Variants in CDK6 observed in about 807,000 individuals in gnomAD.
The protein encoded by CDK6 is cyclin dependent kinase 6, also known as cyclin-dependent kinase 6.
In CDK6, 6 loss-of-function variants were observed where a neutral mutation model predicts 37.1. That is an observed-to-expected ratio of 0.16 (90% CI 0.09 to 0.32). The LOEUF (loss-of-function observed/expected upper bound fraction) is 0.32. Among genes scored for constraint, CDK6 ranks in the 10% least tolerant of loss-of-function variants. The probability of loss-of-function intolerance (pLI) is 1.00; values close to 1 mark genes in which losing one functional copy is unlikely to be tolerated. For synonymous variants in CDK6, 160 were observed against 161.3 expected, an observed-to-expected ratio of 0.99 and a Z score of 0.06; for missense variants, 224 against 418.9, an observed-to-expected ratio of 0.53 and a Z score of 4.06.
chr7:92,794,064 G>A (rs1171754063), intron 2 of CDK6, among the ~76,000 whole-genome samples: 2 of 152,046 alleles, frequency 1.3e-5, no homozygotes, highest in Admixed American at 6.6e-5. Flanking sequence ...CAAGGCAAGA[G>A]TCAGTTTCAA....
At chr7:92,641,792 A>C (rs1434936679) in intron 5 of CDK6, among the ~76,000 whole-genome samples, 1 of 152,208 alleles carries the variant, frequency 6.6e-6, no homozygotes, top group Non-Finnish European at 1.5e-5. Flanking sequence ...CCAATATGAA[A>C]GGAAATTATG....
intron 2 of CDK6, among the ~76,000 whole-genome samples, chr7:92,801,151 A>G (rs1800562804): frequency 6.6e-6 from 1 of 151,962 alleles, no homozygotes; most frequent in East Asian, 1.9e-4. Context: ...ATTTAAATAT[A>G]AACAAAAGAA....
intron 2 of CDK6, among the ~76,000 whole-genome samples, chr7:92,806,488 G>A (rs1210667185): frequency 6.6e-6 from 1 of 152,160 alleles, no homozygotes; most frequent in Non-Finnish European, 1.5e-5. Flanking sequence ...ATATGCACGT[G>A]TCCACATGCA....
chr7:92,692,730 A>G (rs1394873708), intron 4 of CDK6, among the ~76,000 whole-genome samples: 2 of 151,876 alleles, frequency 1.3e-5, no homozygotes, highest in Admixed American at 1.3e-4. Flanking sequence ...GGCTGTAGTG[A>G]GCCGTGATCA....
chr7:92,636,554 G>A (rs1218216016), intron 5 of CDK6, among the ~76,000 whole-genome samples: 4 of 152,046 alleles, frequency 2.6e-5, no homozygotes, highest in Admixed American at 1.3e-4. Flanking sequence ...AAATATCACC[G>A]GCAAAGGCTT....
At chr7:92,717,464 G>C (rs1051118951) in intron 4 of CDK6, among the ~76,000 whole-genome samples, 25 of 144,496 alleles carry the variant, frequency 1.7e-4, no homozygotes, top group Non-Finnish European at 9.2e-5. Flanking sequence ...AAAGAAGAAA[G>C]AAAGAAAAAG....
At chr7:92,810,419 C>A (rs1800846023) in intron 2 of CDK6, among the ~76,000 whole-genome samples, 1 of 152,226 alleles carries the variant, frequency 6.6e-6, no homozygotes, top group African/African-American at 2.4e-5. Flanking sequence ...ACTCTGCCAG[C>A]AGACAGTTGA....
intron 4 of CDK6, among the ~76,000 whole-genome samples, chr7:92,712,401 A>C (rs1798116703): frequency 6.6e-6 from 1 of 152,204 alleles, no homozygotes; most frequent in African/African-American, 2.4e-5. Flanking sequence ...TTTTTCTAAA[A>C]TATTATGGGA....
rs4272 is a variant in CDK6 at position 92,607,515 on chromosome 7, A to G, written c.*7625T>C. On this transcript the variant is annotated 3_prime_UTR_variant, in exon 8 of 8. Coordinates refer to ENST00000424848, the MANE Select transcript of CDK6 (RefSeq NM_001145306.2). ...ATCTATATATTCAAATCTACTAATC[A>G]TGTTACAAATGCATGCAGCTTATTT... 45,549 of 232,722 alleles carry G rather than the reference A, an allele frequency of 0.2. 4,637 individuals carry two copies. Among genetic ancestry groups the G allele is most frequent in the Middle Eastern group, 0.22 (170 of 780 alleles). 14.4% of individuals were successfully genotyped at this position (232,722 alleles called of 1,614,324 possible).
chr7:92,835,602 TCC>T lies in CDK6; in HGVS notation c.-368+874_-368+875del, dbSNP rs1801642011. Among the ~76,000 whole-genome samples the T allele has an allele frequency of 6.6e-6, 1 of 152,192 alleles. No homozygotes were observed. The highest frequency in any genetic ancestry group is 2.1e-4 in the South Asian group (1 of 4,824). On this transcript the variant is annotated intron_variant, in intron 1 of 7. Transcript: ENST00000424848. The surrounding 1 kb of genome is among the most constrained non-coding windows in gnomAD (Gnocchi z 4.2). ...CGCGACTACAAAGGCTGCAGCCGCCTCCTTCTGCTTTCTGTCTCTGCTCTCTG... is the reference window on the plus strand; with the variant it reads ...CGCGACTACAAAGGCTGCAGCCGCCTTTCTGCTTTCTGTCTCTGCTCTCTG...
chr7:92,662,102 T>G (rs2116582532), intron 5 of CDK6, among the ~76,000 whole-genome samples: 1 of 152,224 alleles, frequency 6.6e-6, no homozygotes, highest in African/African-American at 2.4e-5. Context: ...GGATGATGGA[T>G]GAAGTGAGAA....
At chr7:92,768,235 T>C (rs1009795247) in intron 3 of CDK6, among the ~76,000 whole-genome samples, 8 of 152,002 alleles carry the variant, frequency 5.3e-5, no homozygotes, top group Admixed American at 1.3e-4. Flanking sequence ...CACAGGGTCT[T>C]GAGTGCCAAA....
At chr7:92,818,692 G>A (rs1015194693) in intron 2 of CDK6, among the ~76,000 whole-genome samples, 7 of 151,972 alleles carry the variant, frequency 4.6e-5, no homozygotes, top group Non-Finnish European at 1.0e-4. Context: ...TGTAATCCAT[G>A]TAGCTGACAA....
intron 2 of CDK6, among the ~76,000 whole-genome samples, 193 bp from the exon 3 acceptor site, chr7:92,775,024 A>T (rs1311173556): frequency 6.6e-6 from 1 of 152,224 alleles, no homozygotes; most frequent in Non-Finnish European, 1.5e-5. Context: ...GGAGAGGGGC[A>T]CTCAGAGTGT....
At chr7:92,675,159 C>T (rs1797175063) in intron 4 of CDK6, among the ~76,000 whole-genome samples, 2 of 152,198 alleles carry the variant, frequency 1.3e-5, no homozygotes, top group Admixed American at 1.3e-4. Context: ...ATTGATTACC[C>T]ATCCTAAAAA....
intron 2 of CDK6, among the ~76,000 whole-genome samples, chr7:92,787,950 T>G (rs1800187722): frequency 6.6e-6 from 1 of 152,132 alleles, no homozygotes; most frequent in Non-Finnish European, 1.5e-5. Flanking sequence ...ATTAGATCTA[T>G]TAGAGCAAAA....
chr7:92,610,380 T>C lies in CDK6; in HGVS notation c.*4760A>G, dbSNP rs1795536023. 2 of 231,930 alleles carry C rather than the reference T, an allele frequency of 8.6e-6. No individual in the cohort carries two copies. The highest frequency in any genetic ancestry group is 1.2e-4 in the East Asian group (2 of 16,314). The allele number at this position is 231,930 out of a possible 1,614,324, so 14.4% of individuals were successfully genotyped here. On this transcript the variant is annotated 3_prime_UTR_variant, in exon 8 of 8. Transcript: ENST00000424848. ...AAATGCTGAGAAATAGAAAACATTT[T>C]GAAAAGCTGATTGGCACTTCATTAA...
chr7:92,781,838 T>C (rs1800000743), intron 2 of CDK6, among the ~76,000 whole-genome samples: 1 of 152,238 alleles, frequency 6.6e-6, no homozygotes. Flanking sequence ...AATCTCCTCC[T>C]CTTAAGTGCA....
At chr7:92,790,924 T>C (rs967951403) in intron 2 of CDK6, among the ~76,000 whole-genome samples, 1 of 152,154 alleles carries the variant, frequency 6.6e-6, no homozygotes, top group Non-Finnish European at 1.5e-5. Context: ...AAACTTTGTA[T>C]GCTACAAAGA....
Sources: gnomAD v4.1 joint callset for allele counts (sites outside exome capture counted in the v4.1 genomes callset) on GRCh38, gnomAD v4.1.1 for gene constraint, Gnocchi (gnomAD v3.1) non-coding constraint, MANE v1.5 for transcripts, NCBI Gene and HGNC (gene_info 2026-07-23, HGNC 2026-07-21) for gene names.